Variants in HPS3 observed in about 807,000 individuals in gnomAD.
HPS3 encodes the protein HPS3 biogenesis of lysosomal organelles complex 2 subunit 1.
A neutral mutation model predicts 110.9 loss-of-function variants in HPS3; 79 were observed. The ratio of observed to expected loss-of-function variants is 0.71; its 90% CI spans 0.59 to 0.86. The LOEUF (loss-of-function observed/expected upper bound fraction) is 0.86. Ranked by LOEUF, HPS3 falls within the 40% of genes least tolerant of loss-of-function variation. HPS3 has a pLI of 0.00. For synonymous variants in HPS3, 428 were observed against 451.0 expected, an observed-to-expected ratio of 0.95 and a Z score of 0.65; for missense variants, 1,197 against 1,206.2, an observed-to-expected ratio of 0.99 and a Z score of 0.11.
At position 149,162,821 on chromosome 3, in the gene HPS3, G is replaced by T. The variant is rs1210901974; in HGVS notation, c.2424G>T (p.Trp808Cys). The change falls in exon 13 of 17, where the codon TGG becomes TGT. Residue 808 changes from tryptophan to cysteine, a missense_variant. By Grantham distance (215) the Trp-to-Cys change is radical. Coordinates refer to ENST00000296051, the MANE Select transcript of HPS3 (RefSeq NM_032383.5). The part of the protein sequence containing the change: ...LFFKLTSQYI[W>C]RLSKRQPPDT... The stretch of plus-strand genomic sequence containing the variant: ...TCAAACTCACATCACAGTACATCTG[G>T]AGATTGTCTAAGAGGCAGCCTCCTG... 24 of 1,613,952 alleles carry T rather than the reference G, an allele frequency of 1.5e-5. No homozygotes were observed. The highest frequency in any genetic ancestry group is 1.9e-5 in the Non-Finnish European group (22 of 1,179,984).
Position 149,160,030 on chromosome 3 carries a change from T to G in HPS3, c.1873-16T>G. ...ACTGACCTTTTATTCCTTTTATTCC[T>G]TCGTGCTCACCAAAGGAATTAGCAG... On this transcript the variant is annotated splice_polypyrimidine_tract_variant and intron_variant, in intron 10 of 16. Coordinates refer to ENST00000296051, the MANE Select transcript of HPS3 (RefSeq NM_032383.5). 1 of 1,595,356 alleles carries G rather than the reference T, an allele frequency of 6.3e-7. No homozygotes were observed. The highest frequency in any genetic ancestry group is 8.6e-7 in the Non-Finnish European group (1 of 1,162,968).
In HPS3 at chr3:149,157,397, T is replaced by C. The variant is rs1723520352; in HGVS notation, c.1557T>C (p.Ile519=). 1 of 1,613,800 alleles carries C rather than the reference T, an allele frequency of 6.2e-7. No homozygotes were observed. The highest frequency in any genetic ancestry group is 8.5e-7 in the Non-Finnish European group (1 of 1,179,872). ...TYKTVKTQSC[I]HLLSEAHLLV... The stretch of plus-strand genomic sequence containing the variant: ...AGACTGTCAAAACCCAGAGCTGCAT[T>C]CACCTTCTCAGTGAGGCTCATCTGT... The change falls in exon 9 of 17, where the codon ATT becomes ATC. Residue 519 remains isoleucine, a synonymous_variant. Coordinates refer to ENST00000296051, the MANE Select transcript of HPS3 (RefSeq NM_032383.5).
At chr3:149,147,327 C>T (rs1322296746) in intron 5 of HPS3, among the ~76,000 whole-genome samples, 1 of 150,908 alleles carries the variant, frequency 6.6e-6, no homozygotes, top group African/African-American at 2.4e-5. Flanking sequence ...TTTACTACCG[C>T]CAAAAAAAAA....
intron 7 of HPS3, chr3:149,153,944 C>T (rs1034061534): frequency 6.1e-5 from 23 of 375,256 alleles, no homozygotes; most frequent in Admixed American, 1.8e-4. Context: ...AAGACTGAGC[C>T]TATAATGCTA....
At chr3:149,137,826 AATT>A (rs1722205288) in intron 1 of HPS3, among the ~76,000 whole-genome samples, 1 of 152,076 alleles carries the variant, frequency 6.6e-6, no homozygotes, top group African/African-American at 2.4e-5. Flanking sequence ...AGGAATAGGG[AATT>A]ATTATTTAAT....
chr3:149,161,831 T>C (rs1723891607), intron 11 of HPS3, among the ~76,000 whole-genome samples: 1 of 152,140 alleles, frequency 6.6e-6, no homozygotes, highest in African/African-American at 2.4e-5. Flanking sequence ...TTTTGATCTG[T>C]GGTTGGTTGA....
intron 8 of HPS3, among the ~76,000 whole-genome samples, chr3:149,156,565 T>C (rs1401558029): frequency 2.0e-5 from 3 of 151,740 alleles, no homozygotes; most frequent in Non-Finnish European, 4.4e-5. Context: ...ATTCCTTATT[T>C]AGGGTTTGCT....
At chr3:149,131,330 C>T (rs1407635832) in intron 1 of HPS3, among the ~76,000 whole-genome samples, 1 of 151,754 alleles carries the variant, frequency 6.6e-6, no homozygotes, top group Admixed American at 6.6e-5. Context: ...TTTTTCTCCC[C>T]AATTGAAAGT....
intron 5 of HPS3, 27 bp downstream of exon 5, chr3:149,145,573 C>T: frequency 1.3e-6 from 2 of 1,574,638 alleles, no homozygotes; most frequent in Non-Finnish European, 1.7e-6. Context: ...ACTTGCTGGC[C>T]TGTGAGTCAC....
chr3:149,154,055 A>G lies in HPS3; in HGVS notation c.1400+407A>G, dbSNP rs924323854. 2.4e-5 allele frequency: 5 copies of G among 209,754 alleles called. No homozygotes were observed. The East Asian group carries it at 6.9e-4, about 29-fold the overall frequency. 13.0% of individuals were successfully genotyped at this position (209,754 alleles called of 1,614,324 possible). A position where few individuals can be genotyped will look rare whatever the true frequency, so the allele number is the denominator to read the frequency against. ...TCTGATATTATGAAAGAAATTAATA[A>G]TGTATGTCTTACCTTAAAGCACATT... is the stretch of plus-strand genomic sequence containing the variant. On this transcript the variant is annotated intron_variant, in intron 7 of 16. Transcript: ENST00000296051.
At chr3:149,155,294 A>C in intron 8 of HPS3, 79 bp downstream of exon 8, 2 of 894,112 alleles carry the variant, frequency 2.2e-6, no homozygotes, top group Non-Finnish European at 3.8e-6. Context: ...TCTAATTATC[A>C]TACATTCAGG....
In HPS3 at chr3:149,172,346, A is replaced by T; in HGVS notation, c.*124A>T. ...CACACACACACACACACACACACAC[A>T]CACACACACATATATGATACAAATG... On this transcript the variant is annotated 3_prime_UTR_variant, in exon 17 of 17. Transcript: ENST00000296051. 4.3e-6 allele frequency: 3 copies of T among 703,934 alleles called. No homozygotes were observed. The highest frequency in any genetic ancestry group is 7.4e-6 in the Non-Finnish European group (3 of 405,334). 43.6% of individuals were successfully genotyped at this position (703,934 alleles called of 1,614,324 possible).
rs377599601 is a variant in HPS3 at position 149,149,575 on chromosome 3, A to T, written c.1164-1024A>T. ...AAATTGTGCTAAGCCTCCTAACTGA[A>T]AATATCAGAATGCCTTTTTTTATGA... is the stretch of plus-strand genomic sequence containing the variant. On this transcript the variant is annotated intron_variant, in intron 5 of 16. Transcript: ENST00000296051. 5.1e-4 allele frequency among the ~76,000 whole-genome samples: 78 copies of T among 152,280 alleles called. No homozygotes were observed. The South Asian group carries it at 0.016, about 30-fold the overall frequency.
intron 16 of HPS3, among the ~76,000 whole-genome samples, chr3:149,171,076 G>A (rs796585956): frequency 2.0e-5 from 3 of 152,196 alleles, no homozygotes; most frequent in Admixed American, 1.3e-4. Flanking sequence ...TCAAGAGATC[G>A]AGACCATCCT....
rs577273287 is a variant in HPS3, at chr3:149,140,178, C to T, written c.392C>T (p.Pro131Leu). Reference sequence around the variant, plus strand: ...GACCAGATGTACATTATTGAAATGCCGCTTTCGGAGGCCCCCTTGTGCATT... The same window carrying T: ...GACCAGATGTACATTATTGAAATGCTGCTTTCGGAGGCCCCCTTGTGCATT... ...FRDQMYIIEM[P>L]LSEAPLCISC... The change falls in exon 2 of 17, where the codon CCG becomes CTG. Residue 131 changes from proline to leucine, a missense_variant. Physicochemically the swap from Pro to Leu is moderately conservative, Grantham distance 98. Coordinates refer to ENST00000296051, the MANE Select transcript of HPS3 (RefSeq NM_032383.5). 173 of 1,614,112 alleles carry T rather than the reference C, an allele frequency of 1.1e-4. 1 individual carries two copies. The highest frequency in any genetic ancestry group is 1.0e-3 in the South Asian group (93 of 91,082).
chr3:149,141,051 T>C lies in HPS3; in HGVS notation c.747T>C (p.Asp249=). 2 of 1,614,122 alleles carry C rather than the reference T, an allele frequency of 1.2e-6. No individual in the cohort carries two copies. The highest frequency in any genetic ancestry group is 1.7e-6 in the Non-Finnish European group (2 of 1,179,982). The change falls in exon 3 of 17, where the codon GAT becomes GAC. Residue 249 remains aspartate, a synonymous_variant. Transcript: ENST00000296051. ...ATGAAATTTCACAGCTTGAGTCAGA[T>C]GATTTTGTCATCTGCCAGAAGCCCC... ...ISNEISQLES[D]DFVICQKPLE...
Position 149,172,350 on chromosome 3 carries a change from A to ACACACG in HPS3, c.*133_*134insGCACAC, listed in dbSNP as rs1725088463. ...CACACACACACACACACACACACAC[A>ACACACG]CACACATATATGATACAAATGCTTT... On this transcript the variant is annotated 3_prime_UTR_variant, in exon 17 of 17. Transcript: ENST00000296051. 1.1e-5 allele frequency: 8 copies of ACACACG among 697,782 alleles called. No homozygotes were observed. The highest frequency in any genetic ancestry group is 1.1e-4 in the South Asian group (7 of 61,100). 43.2% of individuals were successfully genotyped at this position (697,782 alleles called of 1,614,324 possible).
chr3:149,170,143 G>T (rs1469190500), intron 16 of HPS3, among the ~76,000 whole-genome samples: 1 of 152,116 alleles, frequency 6.6e-6, no homozygotes, highest in East Asian at 1.9e-4. Context: ...ACATGAAAGT[G>T]CTTTATTAAT....
Position 149,145,401 on chromosome 3 carries a change from C to T in HPS3, c.1018C>T (p.Leu340=). 1 of 1,614,014 alleles carries T rather than the reference C, an allele frequency of 6.2e-7. No homozygotes were observed. The highest frequency in any genetic ancestry group is 8.5e-7 in the Non-Finnish European group (1 of 1,179,944). ...AAATTTGTCTCAGGAAAAAGAATTG[C>T]TGAGTCTCTTTTGCTTTTTCTCCTT... is the stretch of plus-strand genomic sequence containing the variant. The part of the protein sequence containing the change: ...GKNLSQEKEL[L]SLFCFFSLPH... Residue 340 remains leucine, a synonymous_variant, in exon 5 of 17, where the codon CTG becomes TTG. Transcript: ENST00000296051.
Sources: allele counts gnomAD v4.1 joint callset (sites outside exome capture counted in the v4.1 genomes callset), GRCh38; gene constraint gnomAD v4.1.1; transcripts MANE v1.5; gene names NCBI Gene and HGNC (gene_info 2026-07-23, HGNC 2026-07-21).